Variants in PELO observed in about 807,000 individuals in gnomAD.
PELO encodes pelota mRNA surveillance and ribosome rescue factor.
In PELO, 19 loss-of-function variants were observed where a neutral mutation model predicts 25.9. The observed-to-expected ratio is 0.73, with a 90% CI of 0.51 to 1.08. The LOEUF (loss-of-function observed/expected upper bound fraction) is 1.08. Ranked by LOEUF, PELO falls within the 50% of genes least tolerant of loss-of-function variation. The pLI is 0.00. For missense variants in PELO, 498 were observed against 491.4 expected, an observed-to-expected ratio of 1.01 and a Z score of -0.13; for synonymous variants, 196 against 192.2, an observed-to-expected ratio of 1.02 and a Z score of -0.16.
At position 52,801,449 on chromosome 5, in the gene PELO, C is replaced by T. The variant is rs927508067; in HGVS notation, c.767C>T (p.Ala256Val). The stretch of plus-strand genomic sequence containing the variant: ...GGACACAAGTACTCCCTGAAAGAGG[C>T]CCTTTGTGACCCTACTGTGGCTAGC... ...SSGHKYSLKE[A>V]LCDPTVASRL... The change falls in exon 3 of 3, where the codon GCC (alanine) becomes GTC (valine). Residue 256 changes from alanine (A) to valine (V), a missense_variant. Physicochemically the swap from Ala to Val is moderately conservative, Grantham distance 64. Coordinates refer to ENST00000274311, the MANE Select transcript of PELO (RefSeq NM_015946.5). The T allele has an allele frequency of 1.2e-6, 2 of 1,613,858 alleles. No individual in the cohort carries two copies. Among genetic ancestry groups the T allele is most frequent in the Non-Finnish European group, 1.7e-6 (2 of 1,179,888 alleles).
chr5:52,801,785 T>C lies in PELO; in HGVS notation c.1103T>C (p.Phe368Ser), dbSNP rs1404088986. The C allele has an allele frequency of 1.9e-6, 3 of 1,613,910 alleles. No homozygotes were observed. In the Admixed American group the frequency reaches 5.0e-5, roughly 27 times the overall value. The change falls in exon 3 of 3, where the codon TTC (phenylalanine) becomes TCC (serine). Residue 368 changes from phenylalanine to serine, a missense_variant. By Grantham distance (155) the Phe-to-Ser change is radical. Transcript: ENST00000274311. ...QLTGVAAILR[F>S]PVPELSDQEG... The stretch of plus-strand genomic sequence containing the variant: ...ACTGGGGTAGCTGCCATTCTCCGCT[T>C]CCCTGTTCCCGAACTTTCTGACCAA...
chr5:52,797,824 G>A (rs1184120727), intron 1 of PELO, among the ~76,000 whole-genome samples: 2 of 152,170 alleles, frequency 1.3e-5, no homozygotes, highest in African/African-American at 2.4e-5. Flanking sequence ...TTACAGGGGA[G>A]AATTAGAGCA....
chr5:52,793,660 G>A (rs1308551790), intron 1 of PELO, among the ~76,000 whole-genome samples: 1 of 152,024 alleles, frequency 6.6e-6, no homozygotes, highest in East Asian at 1.9e-4. Context: ...GAAGAGGCTA[G>A]TATGTGAACC....
intron 1 of PELO, among the ~76,000 whole-genome samples, chr5:52,794,671 A>G (rs955484964): frequency 1.3e-5 from 2 of 151,620 alleles, no homozygotes; most frequent in Non-Finnish European, 3.0e-5. Flanking sequence ...AACAAATAAA[A>G]CAAACAAAAA....
intron 1 of PELO, among the ~76,000 whole-genome samples, chr5:52,790,943 G>A (rs191219346): frequency 8.2e-4 from 125 of 151,994 alleles, no homozygotes; most frequent in African/African-American, 2.7e-3. Context: ...TTTATACATC[G>A]AGAAAAGAAT....
chr5:52,796,515 C>T (rs1748346503), intron 1 of PELO, among the ~76,000 whole-genome samples: 1 of 151,934 alleles, frequency 6.6e-6, no homozygotes, highest in Non-Finnish European at 1.5e-5. Flanking sequence ...ATACTTTGCT[C>T]ATTTGGAAAA....
Position 52,800,889 on chromosome 5 carries a change from G to A in PELO, c.495G>A (p.Val165=). ...SMTLTRAKVE[V]NIPRKRKGNC... ...CCCTCACTCGGGCCAAGGTGGAGGT[G>A]AACATCCCTAGGAAAAGGAAAGGCA... The change falls in exon 2 of 3, where the codon GTG becomes GTA. Residue 165 remains valine (V), a synonymous_variant. Transcript: ENST00000274311. 1.2e-6 allele frequency: 2 copies of A among 1,613,250 alleles called. No individual in the cohort carries two copies. Among genetic ancestry groups the A allele is most frequent in the Non-Finnish European group, 1.7e-6 (2 of 1,179,406 alleles).
intron 1 of PELO, among the ~76,000 whole-genome samples, chr5:52,795,813 A>G (rs13188662): frequency 0.29 from 44,033 of 151,756 alleles, 7,651 homozygotes; most frequent in South Asian, 0.43. Flanking sequence ...CAAATGAGAG[A>G]GCAGGACAAA....
chr5:52,801,311 T>C lies in PELO; in HGVS notation c.727-98T>C, dbSNP rs186460209. 6.8e-6 allele frequency: 8 copies of C among 1,171,760 alleles called. No individual in the cohort carries two copies. In the Admixed American group the frequency reaches 7.1e-5, roughly 10 times the overall value. The allele number at this position is 1,171,760 out of a possible 1,614,324, so 72.6% of individuals were successfully genotyped here. A position where few individuals can be genotyped will look rare whatever the true frequency, so the allele number is the denominator to read the frequency against. On this transcript the variant is annotated intron_variant, in intron 2 of 2. Transcript: ENST00000274311. ...ATGGAGTAAACTTCGCTGAAACATA[T>C]GAAGCCTTACTAGCGCTTTTGGCTT...
chr5:52,788,308 G>T lies in PELO; in HGVS notation c.-617G>T. 2 of 1,459,620 alleles carry T rather than the reference G, an allele frequency of 1.4e-6. No individual in the cohort carries two copies. The highest frequency in any genetic ancestry group is 1.8e-6 in the Non-Finnish European group (2 of 1,104,626). The allele number at this position is 1,459,620 out of a possible 1,614,324, so 90.4% of individuals were successfully genotyped here. ...GAGCGCAGCTCCCGCGCCCGGTCCT[G>T]CCCTGCGAACCAGCGCGGCCCCCTG... is the stretch of plus-strand genomic sequence containing the variant. On this transcript the variant is annotated 5_prime_UTR_variant, in exon 1 of 3. Transcript: ENST00000274311.
intron 1 of PELO, among the ~76,000 whole-genome samples, chr5:52,790,516 C>A (rs1228937179): frequency 6.6e-6 from 1 of 152,202 alleles, no homozygotes; most frequent in South Asian, 2.1e-4. Context: ...AAATCAGTTT[C>A]CCTGTTTTCA....
At chr5:52,788,762 T>C (rs954924470) in intron 1 of PELO, among the ~76,000 whole-genome samples, 5 of 152,316 alleles carry the variant, frequency 3.3e-5, no homozygotes, top group Admixed American at 1.3e-4. Context: ...CCCTTTTTTA[T>C]GGCATGGGAT....
chr5:52,795,709 A>T (rs1748327997), intron 1 of PELO, among the ~76,000 whole-genome samples: 1 of 151,916 alleles, frequency 6.6e-6, no homozygotes. Flanking sequence ...GTTTTGTCTG[A>T]TCCAGTTTTC....
At position 52,792,491 on chromosome 5, in the gene PELO, C is replaced by G. The variant is rs565335949; in HGVS notation, c.-511+4077C>G. Among the ~76,000 whole-genome samples the G allele has an allele frequency of 7.9e-4, 121 of 152,264 alleles. 1 individual carries two copies. Among genetic ancestry groups the G allele is most frequent in the African/African-American group, 2.7e-3 (114 of 41,562 alleles). ...ATATGCTATACTAGTTTAACTATTT[C>G]TCTTCCCTCCTGTCATAACACTTAC... On this transcript the variant is annotated intron_variant, in intron 1 of 2. Transcript: ENST00000274311.
At chr5:52,794,444 T>TATA (rs1400879608) in intron 1 of PELO, among the ~76,000 whole-genome samples, 1 of 151,584 alleles carries the variant, frequency 6.6e-6, no homozygotes, top group South Asian at 2.1e-4. Flanking sequence ...ACATTTTACT[T>TATA]ATAATATTTT....
At position 52,800,560 on chromosome 5, in the gene PELO, G is replaced by A; in HGVS notation, c.166G>A (p.Val56Met). The A allele has an allele frequency of 1.2e-6, 2 of 1,613,784 alleles. No individual in the cohort carries two copies. Among genetic ancestry groups the A allele is most frequent in the Non-Finnish European group, 1.7e-6 (2 of 1,179,790 alleles). ...ACAGACAGAGTCCTCCACGGGCAGC[G>A]TGGGCAGCAACCGGGTCCGCACTAC... ...KVQTESSTGSVGSNRVRTTLT... is the reference protein window; with the variant it reads ...KVQTESSTGSMGSNRVRTTLT... Residue 56 changes from valine to methionine, a missense_variant, in exon 2 of 3, where the codon GTG becomes ATG. Transcript: ENST00000274311.
intron 1 of PELO, among the ~76,000 whole-genome samples, chr5:52,791,067 A>T (rs895871617): frequency 1.1e-4 from 17 of 152,238 alleles, no homozygotes; most frequent in African/African-American, 3.6e-4. Context: ...TTCCTATTTG[A>T]TTTAGACTGT....
In PELO at chr5:52,799,940, T is replaced by C. The variant is rs1409893113; in HGVS notation, c.-455T>C. Reference sequence around the variant, plus strand: ...GAAGTTTGGCATTAAAATAAAGGACTCGCCACCACTCTGTGCACCTTCTTG... The same window carrying C: ...GAAGTTTGGCATTAAAATAAAGGACCCGCCACCACTCTGTGCACCTTCTTG... On this transcript the variant is annotated 5_prime_UTR_variant, in exon 2 of 3. Transcript: ENST00000274311. 1 of 174,178 alleles carries C rather than the reference T, an allele frequency of 5.7e-6. No individual in the cohort carries two copies. The highest frequency in any genetic ancestry group is 1.2e-5 in the Non-Finnish European group (1 of 80,164). 10.8% of individuals were successfully genotyped at this position (174,178 alleles called of 1,614,324 possible).
In PELO at chr5:52,800,112, G is replaced by T; in HGVS notation, c.-283G>T. On this transcript the variant is annotated 5_prime_UTR_variant, in exon 2 of 3. Transcript: ENST00000274311. Reference sequence around the variant, plus strand: ...TGCGCCTTCATTTCGTCAGCCCGCTGTTGCGTGCTGCCAGCGGGAACTGTG... The same window carrying T: ...TGCGCCTTCATTTCGTCAGCCCGCTTTTGCGTGCTGCCAGCGGGAACTGTG... The T allele has an allele frequency of 2.5e-6, 1 of 397,726 alleles. No homozygotes were observed. Among genetic ancestry groups the T allele is most frequent in the Non-Finnish European group, 4.6e-6 (1 of 217,986 alleles). The allele number at this position is 397,726 out of a possible 1,614,324, so 24.6% of individuals were successfully genotyped here.
Sources: gnomAD v4.1 joint callset for allele counts (sites outside exome capture counted in the v4.1 genomes callset) on GRCh38, gnomAD v4.1.1 for gene constraint, MANE v1.5 for transcripts, NCBI Gene and HGNC (gene_info 2026-07-23, HGNC 2026-07-21) for gene names.